The following DOCK3 variants were observed in gnomAD, a reference collection of about 807,000 sequenced individuals.
DOCK3 encodes the protein dedicator of cytokinesis protein 3.
In DOCK3, 60 loss-of-function variants were observed where a neutral mutation model predicts 265.6. The ratio of observed to expected loss-of-function variants is 0.23; its 90% confidence interval spans 0.18 to 0.28. DOCK3 has a LOEUF of 0.28. Among genes scored for constraint, DOCK3 ranks in the 10% least tolerant of loss-of-function variants. DOCK3 has a pLI of 1.00. For synonymous variants in DOCK3, 881 were observed against 938.0 expected (o/e 0.94, Z 1.11); for missense variants, 1,981 against 2,594.3 (o/e 0.76, Z 5.14).
intron 1 of DOCK3, among the ~76,000 whole-genome samples, chr3:50,706,546 G>C (rs189842921): frequency 1.1e-4 from 17 of 152,172 alleles, no homozygotes; most frequent in African/African-American, 3.9e-4. Context: ...ACTTTTTACT[G>C]TTTGGGTAAA....
rs1008096699 is a variant in DOCK3 at position 51,121,891 on chromosome 3, A to G, written c.747-24658A>G. On this transcript the variant is annotated intron_variant, in intron 9 of 52. Coordinates refer to ENST00000266037, the MANE Select transcript of DOCK3 (RefSeq NM_004947.5). ...TGTCCTGCATTATTTTCATTACTCC[A>G]TATTGCTTCAGAGATTCATAAGACA... Among the ~76,000 whole-genome samples, 15 of 152,332 alleles carry G rather than the reference A, an allele frequency of 9.8e-5. No individual in the cohort carries two copies. In the East Asian group the frequency reaches 1.7e-3, roughly 18 times the overall value.
intron 5 of DOCK3, among the ~76,000 whole-genome samples, chr3:51,062,515 C>T (rs1484225165): frequency 2.0e-5 from 3 of 152,160 alleles, no homozygotes; most frequent in African/African-American, 7.2e-5. Flanking sequence ...TAAAGCAGTA[C>T]CTTCCCCAGT....
At chr3:50,996,791 G>A (rs1212275635) in intron 5 of DOCK3, among the ~76,000 whole-genome samples, 1 of 152,114 alleles carries the variant, frequency 6.6e-6, no homozygotes, top group Non-Finnish European at 1.5e-5. Context: ...AATGCATACG[G>A]AATCATTGTA....
chr3:51,147,117 C>CA (rs1237540139), intron 10 of DOCK3, among the ~76,000 whole-genome samples: 3,609 of 137,728 alleles, frequency 0.026, 150 homozygotes, highest in African/African-American at 0.089. Flanking sequence ...GACCCTGTCT[C>CA]AAAAAAAAAA....
intron 5 of DOCK3, among the ~76,000 whole-genome samples, chr3:51,032,314 A>G (rs58803807): frequency 0.057 from 8,703 of 152,226 alleles, 888 homozygotes; most frequent in African/African-American, 0.2. Flanking sequence ...TTTAGTCCCT[A>G]CAACTTAAGT....
At chr3:51,293,036 G>A (rs2081875114) in intron 27 of DOCK3, among the ~76,000 whole-genome samples, 1 of 152,124 alleles carries the variant, frequency 6.6e-6, no homozygotes, top group African/African-American at 2.4e-5. Context: ...ATATTGTTAA[G>A]ATGTTTATAA....
chr3:50,840,835 C>T (rs1003502560), intron 2 of DOCK3, among the ~76,000 whole-genome samples: 1 of 152,168 alleles, frequency 6.6e-6, no homozygotes, highest in African/African-American at 2.4e-5. Context: ...GAGCAAGGCT[C>T]ATCTCTTTTG....
intron 7 of DOCK3, among the ~76,000 whole-genome samples, chr3:51,080,649 T>C (rs113295396): frequency 0.018 from 2,717 of 152,282 alleles, 61 homozygotes; most frequent in African/African-American, 0.045. Context: ...TACTTATTAT[T>C]GTCAACAGGG....
At chr3:50,825,736 T>G (rs2107001264) in intron 2 of DOCK3, among the ~76,000 whole-genome samples, 2 of 152,258 alleles carry the variant, frequency 1.3e-5, no homozygotes, top group East Asian at 3.9e-4. Context: ...AAGACTTTTG[T>G]GTGGGCAATC....
intron 6 of DOCK3, among the ~76,000 whole-genome samples, chr3:51,072,886 T>A (rs1560022900): frequency 6.6e-6 from 1 of 151,810 alleles, no homozygotes; most frequent in Non-Finnish European, 1.5e-5. Context: ...TTTTTTTTTT[T>A]TTTTAGAGAT....
intron 12 of DOCK3, among the ~76,000 whole-genome samples, chr3:51,163,245 T>C (rs2086219004): frequency 6.6e-6 from 1 of 152,220 alleles, no homozygotes; most frequent in Non-Finnish European, 1.5e-5. Context: ...AATATCCGAT[T>C]AGTTGTTCAC....
At chr3:50,958,397 TGTTA>T (rs1396326098) in intron 5 of DOCK3, among the ~76,000 whole-genome samples, 1 of 151,978 alleles carries the variant, frequency 6.6e-6, no homozygotes, top group Non-Finnish European at 1.5e-5. Context: ...CCTATTGGCT[TGTTA>T]GTTATATCTG....
At chr3:50,792,159 T>C (rs1334471674) in intron 2 of DOCK3, among the ~76,000 whole-genome samples, 1 of 152,124 alleles carries the variant, frequency 6.6e-6, no homozygotes, top group Non-Finnish European at 1.5e-5. Context: ...GTAGTTCTTT[T>C]TGTAGACGTC....
intron 7 of DOCK3, among the ~76,000 whole-genome samples, chr3:51,076,878 G>A (rs1201119038): frequency 5.9e-5 from 9 of 152,260 alleles, no homozygotes; most frequent in Middle Eastern, 3.4e-3. Context: ...TCATAACTTC[G>A]GCATAGAGTA....
chr3:51,199,209 C>T lies in DOCK3; in HGVS notation c.1038-9565C>T, dbSNP rs576175100. On this transcript the variant is annotated intron_variant, in intron 12 of 52. Coordinates refer to ENST00000266037, the MANE Select transcript of DOCK3 (RefSeq NM_004947.5). The stretch of plus-strand genomic sequence containing the variant: ...GCGCAGGTCAGTGGGTGCAGCACAC[C>T]GTGCGTGAGCCAAAGCAGGGCGAGG... Among the ~76,000 whole-genome samples, 18 of 152,232 alleles carry T rather than the reference C, an allele frequency of 1.2e-4. 1 individual carries two copies. In the Middle Eastern group the frequency reaches 0.01, roughly 86 times the overall value.
At chr3:51,204,932 C>T (rs1408890737) in intron 12 of DOCK3, among the ~76,000 whole-genome samples, 4 of 151,724 alleles carry the variant, frequency 2.6e-5, no homozygotes, top group African/African-American at 7.3e-5. Context: ...AACCAAACAC[C>T]GCATGTTCTC....
At chr3:51,101,743 T>C (rs2083098959) in intron 9 of DOCK3, among the ~76,000 whole-genome samples, 1 of 152,190 alleles carries the variant, frequency 6.6e-6, no homozygotes, top group Non-Finnish European at 1.5e-5. Context: ...AAATCTATAG[T>C]TGCAAAAAAG....
intron 9 of DOCK3, among the ~76,000 whole-genome samples, chr3:51,137,141 T>C (rs2084844469): frequency 6.6e-6 from 1 of 152,190 alleles, no homozygotes; most frequent in Admixed American, 6.5e-5. Flanking sequence ...CTGCTTTCTG[T>C]GCTTTAAAAT....
intron 40 of DOCK3, 48 bp from the exon 41 acceptor site, chr3:51,354,834 G>C: frequency 6.3e-7 from 1 of 1,590,332 alleles, no homozygotes; most frequent in Non-Finnish European, 8.6e-7. Context: ...TGGAGGTGGG[G>C]GGCTACAAGC....
Sources: allele counts gnomAD v4.1 joint callset (sites outside exome capture counted in the v4.1 genomes callset), GRCh38; gene constraint gnomAD v4.1.1; transcripts MANE v1.5; gene names NCBI Gene and HGNC (gene_info 2026-07-23, HGNC 2026-07-21).